The following CMTM8 variants were observed in gnomAD, a reference collection of about 807,000 sequenced individuals.
CMTM8 encodes the protein CKLF-like MARVEL transmembrane domain-containing protein 8.
A neutral mutation model predicts 18.6 loss-of-function variants in CMTM8; 12 were observed. The ratio of observed to expected loss-of-function variants is 0.65; its 90% CI spans 0.41 to 1.05. The LOEUF (loss-of-function observed/expected upper bound fraction) is 1.05. Ranked by LOEUF, CMTM8 falls within the 50% of genes least tolerant of loss-of-function variation. CMTM8 has a pLI of 0.00. For missense variants in CMTM8, 217 were observed against 227.2 expected, an observed-to-expected ratio of 0.95 and a Z score of 0.29; for synonymous variants, 87 against 90.6, an observed-to-expected ratio of 0.96 and a Z score of 0.23.
chr3:32,315,141 T>A (rs1695897345), intron 1 of CMTM8, among the ~76,000 whole-genome samples: 1 of 151,198 alleles, frequency 6.6e-6, no homozygotes, highest in African/African-American at 2.4e-5. Flanking sequence ...TTTTTTTTTT[T>A]CTTTTTGAGA....
chr3:32,347,326 T>G (rs1164503687), intron 1 of CMTM8, among the ~76,000 whole-genome samples: 1 of 144,842 alleles, frequency 6.9e-6, no homozygotes, highest in African/African-American at 2.5e-5. Flanking sequence ...AGTTCTCTCT[T>G]TATAGACACT....
Position 32,358,800 on chromosome 3 carries a change from G to GT in CMTM8, c.321+1255dup, listed in dbSNP as rs1414499491. Among the ~76,000 whole-genome samples the GT allele has an allele frequency of 2.0e-5, 3 of 152,208 alleles. No individual in the cohort carries two copies. The highest frequency in any genetic ancestry group is 7.2e-5 in the African/African-American group (3 of 41,456). On this transcript the variant is annotated intron_variant, in intron 2 of 3. Coordinates refer to ENST00000307526, the MANE Select transcript of CMTM8 (RefSeq NM_178868.5). The surrounding 1 kb of genome is among the most constrained non-coding windows in gnomAD (Gnocchi z 4.1). ...AGGTGCTTAATCACTGTCTAGGGTG[G>GT]TGGAAACAGCCTTGTTAGAATTGGT...
chr3:32,249,030 CTTTTTTTTTT>C (rs58156524), intron 1 of CMTM8, among the ~76,000 whole-genome samples: 2 of 62,462 alleles, frequency 3.2e-5, no homozygotes, highest in African/African-American at 6.8e-5. Flanking sequence ...AATGTGGAAT[CTTTTTTTTTT>C]TTTTTTTTTT....
intron 1 of CMTM8, among the ~76,000 whole-genome samples, chr3:32,356,992 G>T (rs1678351859): frequency 1.3e-5 from 2 of 152,184 alleles, no homozygotes. Flanking sequence ...GACTGCCATG[G>T]TTACCTTCCT....
chr3:32,259,474 G>T, intron 1 of CMTM8: 1 of 782,912 alleles, frequency 1.3e-6, no homozygotes, highest in Non-Finnish European at 2.3e-6. Flanking sequence ...AGTCTTTGGA[G>T]AATGACATTC....
intron 2 of CMTM8, among the ~76,000 whole-genome samples, chr3:32,364,419 G>T (rs1053172503): frequency 2.0e-5 from 3 of 152,104 alleles, no homozygotes; most frequent in African/African-American, 7.2e-5. Context: ...CACGAGAATC[G>T]CTTGAACCTG....
At chr3:32,319,069 TATA>T (rs1279549302) in intron 1 of CMTM8, among the ~76,000 whole-genome samples, 18 of 59,478 alleles carry the variant, frequency 3.0e-4, no homozygotes, top group Non-Finnish European at 4.9e-4. Flanking sequence ...TATATATATA[TATA>T]TATTTTTTTT....
At chr3:32,366,629 GA>G (rs1697043073) in intron 2 of CMTM8, among the ~76,000 whole-genome samples, 1 of 152,214 alleles carries the variant, frequency 6.6e-6, no homozygotes, top group South Asian at 2.1e-4. Flanking sequence ...GTTAAATTAT[GA>G]AGTATTAGTG....
At chr3:32,259,954 C>A in intron 1 of CMTM8, 1 of 1,143,566 alleles carries the variant, frequency 8.7e-7, no homozygotes, top group Non-Finnish European at 1.3e-6. Flanking sequence ...AGCAGCTCAA[C>A]GGGATCCTGC....
At chr3:32,266,109 C>A (rs1575151819) in intron 1 of CMTM8, among the ~76,000 whole-genome samples, 1 of 152,168 alleles carries the variant, frequency 6.6e-6, no homozygotes. Flanking sequence ...TTTTATGAGG[C>A]CAGCATCATC....
intron 1 of CMTM8, among the ~76,000 whole-genome samples, chr3:32,290,890 G>T (rs1407019148): frequency 6.6e-6 from 1 of 152,164 alleles, no homozygotes; most frequent in Admixed American, 6.5e-5. Context: ...GTGTGAAATG[G>T]TCGAAGAATT....
In CMTM8 at chr3:32,244,070, G is replaced by A. The variant is rs147962950; in HGVS notation, c.147+4951G>A. On this transcript the variant is annotated intron_variant, in intron 1 of 3. Coordinates refer to ENST00000307526, the MANE Select transcript of CMTM8 (RefSeq NM_178868.5). ...GATCAACATAGCTGCCCCCTGCGCC[G>A]CCCTGACAAGTACGTGAGGAGAGGG... The A allele has an allele frequency of 7.7e-4, 124 of 161,618 alleles. 1 individual carries two copies. The highest frequency in any genetic ancestry group is 1.3e-3 in the Non-Finnish European group (92 of 72,804). 10.0% of individuals were successfully genotyped at this position (161,618 alleles called of 1,614,324 possible). A position where few individuals can be genotyped will look rare whatever the true frequency, so the allele number is the denominator to read the frequency against.
chr3:32,275,560 C>T (rs1462583158), intron 1 of CMTM8, among the ~76,000 whole-genome samples: 1 of 151,482 alleles, frequency 6.6e-6, no homozygotes, highest in Non-Finnish European at 1.5e-5. Flanking sequence ...ATCCAAATGG[C>T]ATGGGGGCCG....
At chr3:32,275,974 G>A (rs967786462) in intron 1 of CMTM8, among the ~76,000 whole-genome samples, 19 of 151,990 alleles carry the variant, frequency 1.3e-4, no homozygotes, top group Non-Finnish European at 1.6e-4. Context: ...CAAAGAGCCC[G>A]TATTCTCTTG....
At chr3:32,268,374 C>T (rs1176088951) in intron 1 of CMTM8, among the ~76,000 whole-genome samples, 2 of 152,106 alleles carry the variant, frequency 1.3e-5, no homozygotes, top group South Asian at 2.1e-4. Flanking sequence ...TGTTCTCACT[C>T]ATAAGTGGGA....
At chr3:32,298,281 A>T (rs1695519339) in intron 1 of CMTM8, among the ~76,000 whole-genome samples, 1 of 151,982 alleles carries the variant, frequency 6.6e-6, no homozygotes, top group Non-Finnish European at 1.5e-5. Flanking sequence ...CATGTTGGCC[A>T]GGCTGGTCTC....
intron 1 of CMTM8, among the ~76,000 whole-genome samples, chr3:32,330,654 C>G (rs1040267846): frequency 6.6e-6 from 1 of 152,080 alleles, no homozygotes; most frequent in East Asian, 1.9e-4. Flanking sequence ...AATTTATGAT[C>G]AATATATGTC....
chr3:32,247,816 A>G (rs1479396538), intron 1 of CMTM8, among the ~76,000 whole-genome samples: 4 of 152,168 alleles, frequency 2.6e-5, no homozygotes, highest in Non-Finnish European at 5.9e-5. Context: ...CACTACCCTT[A>G]TTCAAAGAAC....
chr3:32,302,819 G>C (rs900734482), intron 1 of CMTM8, among the ~76,000 whole-genome samples: 1 of 152,318 alleles, frequency 6.6e-6, no homozygotes, highest in Middle Eastern at 3.4e-3. Context: ...TACACACCAA[G>C]TACCTGAAGT....
Sources: gnomAD v4.1 joint callset for allele counts (sites outside exome capture counted in the v4.1 genomes callset) on GRCh38, gnomAD v4.1.1 for gene constraint, Gnocchi (gnomAD v3.1) non-coding constraint, MANE v1.5 for transcripts, NCBI Gene and HGNC (gene_info 2026-07-23, HGNC 2026-07-21) for gene names.